Variants in PEX5L observed in about 807,000 individuals in gnomAD.
PEX5L encodes the protein PEX5-related protein.
In PEX5L, 30 loss-of-function variants were observed where a neutral mutation model predicts 84.0. The ratio of observed to expected loss-of-function variants is 0.36; its 90% CI spans 0.27 to 0.48. PEX5L has a LOEUF of 0.48. Ranked by LOEUF, PEX5L falls within the 20% of genes least tolerant of loss-of-function variation. The probability of loss-of-function intolerance (pLI) is 0.99; values close to 1 mark genes in which losing one functional copy is unlikely to be tolerated. For missense variants in PEX5L, 533 were observed against 754.6 expected, an observed-to-expected ratio of 0.71 and a Z score of 3.44; for synonymous variants, 270 against 283.1, an observed-to-expected ratio of 0.95 and a Z score of 0.46.
chr3:180,000,022 G>A (rs140549154), intron 1 of PEX5L, among the ~76,000 whole-genome samples: 22 of 152,238 alleles, frequency 1.4e-4, no homozygotes, highest in East Asian at 1.4e-3. Context: ...CAGGAGTCAC[G>A]GGTCCAGGAA....
intron 1 of PEX5L, among the ~76,000 whole-genome samples, chr3:179,986,863 C>T (rs948949608): frequency 3.3e-5 from 5 of 152,136 alleles, no homozygotes; most frequent in African/African-American, 9.7e-5. Flanking sequence ...GTTCGAATAA[C>T]ATAATGCAAA....
Position 179,843,946 on chromosome 3 carries a change from G to A in PEX5L, c.822+15116C>T, listed in dbSNP as rs142599604. On this transcript the variant is annotated intron_variant, in intron 8 of 14. Coordinates refer to ENST00000467460, the MANE Select transcript of PEX5L (RefSeq NM_016559.3). ...GATGGATTATGCAAGTTCTTCCTGA[G>A]TAATGAGGCAGAGACCAGGTGTAAA... 7.1e-4 allele frequency among the ~76,000 whole-genome samples: 108 copies of A among 152,312 alleles called. 1 individual carries two copies. Among genetic ancestry groups the A allele is most frequent in the African/African-American group, 2.5e-3 (105 of 41,554 alleles).
chr3:179,945,390 C>A (rs968824969), intron 2 of PEX5L, among the ~76,000 whole-genome samples: 2 of 152,202 alleles, frequency 1.3e-5, no homozygotes, highest in Non-Finnish European at 2.9e-5. Flanking sequence ...GGCTGAGATC[C>A]TTTCCCTGTC....
At position 180,010,246 on chromosome 3, in the gene PEX5L, C is replaced by CTTTTTTTTTTTTT. The variant is rs1178375452; in HGVS notation, c.21+26320_21+26332dup. Among the ~76,000 whole-genome samples the CTTTTTTTTTTTTT allele has an allele frequency of 1.8e-4, 19 of 105,156 alleles. 2 individuals carry two copies. The highest frequency in any genetic ancestry group is 4.8e-4 in the African/African-American group (11 of 23,092). 69.0% of individuals were successfully genotyped at this position (105,156 alleles called of 152,430 possible). ...AGGCGTGAGCCACTGCACCCGGCCT[C>CTTTTTTTTTTTTT]TTTTTTTTTTTTTTTTTTTTCTGTA... On this transcript the variant is annotated intron_variant, in intron 1 of 14. Transcript: ENST00000467460.
At chr3:179,894,634 G>C (rs1036102725) in intron 3 of PEX5L, among the ~76,000 whole-genome samples, 6 of 152,102 alleles carry the variant, frequency 3.9e-5, no homozygotes, top group African/African-American at 1.4e-4. Flanking sequence ...ACCCAAACAA[G>C]GCTGTACTTA....
chr3:179,949,216 T>A (rs960864433), intron 2 of PEX5L, among the ~76,000 whole-genome samples: 2 of 152,012 alleles, frequency 1.3e-5, no homozygotes, highest in African/African-American at 4.8e-5. Flanking sequence ...GAGTAGATTT[T>A]TAAAAAAAAA....
chr3:179,924,716 T>G (rs1035193975), intron 2 of PEX5L, among the ~76,000 whole-genome samples: 5 of 152,138 alleles, frequency 3.3e-5, no homozygotes, highest in African/African-American at 1.2e-4. Context: ...CTTAGGACCA[T>G]GGAAATATAC....
intron 2 of PEX5L, among the ~76,000 whole-genome samples, chr3:179,905,033 C>A (rs947757972): frequency 6.6e-6 from 1 of 152,170 alleles, no homozygotes. Context: ...GCCTTTGAAA[C>A]AATTTTTTTT....
chr3:179,809,474 T>C lies in PEX5L; in HGVS notation c.1349A>G (p.Asp450Gly). The change falls in exon 12 of 15, where the codon GAT becomes GGT. Residue 450 changes from aspartate (D) to glycine (G), a missense_variant. Coordinates refer to ENST00000467460, the MANE Select transcript of PEX5L (RefSeq NM_016559.3). ...TGTAATATAACGAGAAGGATACCTA[T>C]CAACTGGGGACTTAGACATCCGCCG... is the stretch of plus-strand genomic sequence containing the variant. ...LTRRMSKSPV[D>G]SSVLEGVKEL... The C allele has an allele frequency of 6.2e-7, 1 of 1,611,342 alleles. No homozygotes were observed. Among genetic ancestry groups the C allele is most frequent in the Non-Finnish European group, 8.5e-7 (1 of 1,177,450 alleles).
At chr3:179,992,375 T>C (rs1787463672) in intron 1 of PEX5L, among the ~76,000 whole-genome samples, 1 of 152,202 alleles carries the variant, frequency 6.6e-6, no homozygotes, top group Admixed American at 6.5e-5. Context: ...GTCACACAAC[T>C]TATTAATGAC....
At chr3:179,850,974 G>C (rs1741612666) in intron 8 of PEX5L, among the ~76,000 whole-genome samples, 2 of 152,156 alleles carry the variant, frequency 1.3e-5, no homozygotes, top group Non-Finnish European at 1.5e-5. Flanking sequence ...CTCCAATTTT[G>C]TTCAATAACT....
intron 1 of PEX5L, among the ~76,000 whole-genome samples, chr3:180,027,505 T>C (rs1159191189): frequency 1.3e-5 from 2 of 152,140 alleles, no homozygotes; most frequent in Non-Finnish European, 2.9e-5. Context: ...TATGTATATA[T>C]ACACACACAC....
In PEX5L at chr3:179,912,409, C is replaced by G. The variant is rs543292663; in HGVS notation, c.94-14163G>C. On this transcript the variant is annotated intron_variant, in intron 2 of 14. Coordinates refer to ENST00000467460, the MANE Select transcript of PEX5L (RefSeq NM_016559.3). ...CAAAGATAAAAGCAACTACATGATACTGATGTTTTATGAGACAGGTTGAAA... is the reference window on the plus strand; with the variant it reads ...CAAAGATAAAAGCAACTACATGATAGTGATGTTTTATGAGACAGGTTGAAA... Among the ~76,000 whole-genome samples, 27 of 152,116 alleles carry G rather than the reference C, an allele frequency of 1.8e-4. No homozygotes were observed. In the South Asian group the frequency reaches 5.0e-3, roughly 28 times the overall value.
Position 179,931,792 on chromosome 3 carries a change from A to C in PEX5L, c.94-33546T>G, listed in dbSNP as rs567098819. Reference sequence around the variant, plus strand: ...GTTAAGTTCACATGTATCTAAACTCAATTTTCTTTAACTTCATTTATAATG... The same window carrying C: ...GTTAAGTTCACATGTATCTAAACTCCATTTTCTTTAACTTCATTTATAATG... On this transcript the variant is annotated intron_variant, in intron 2 of 14. Coordinates refer to ENST00000467460, the MANE Select transcript of PEX5L (RefSeq NM_016559.3). 1.7e-4 allele frequency among the ~76,000 whole-genome samples: 26 copies of C among 152,286 alleles called. No homozygotes were observed. In the South Asian group the frequency reaches 4.8e-3, roughly 28 times the overall value.
At chr3:179,937,744 G>T (rs1287563591) in intron 2 of PEX5L, among the ~76,000 whole-genome samples, 1 of 152,148 alleles carries the variant, frequency 6.6e-6, no homozygotes, top group African/African-American at 2.4e-5. Flanking sequence ...GGTAACTCTG[G>T]AACCTTAGTT....
intron 1 of PEX5L, among the ~76,000 whole-genome samples, chr3:180,024,544 CAAAA>C (rs59981273): frequency 1.9e-5 from 2 of 107,198 alleles, no homozygotes; most frequent in Non-Finnish European, 4.0e-5. Flanking sequence ...GACTCCGTTT[CAAAA>C]AAAAAAAAAA....
At chr3:179,977,269 A>T (rs1010215554) in intron 1 of PEX5L, among the ~76,000 whole-genome samples, 2 of 152,174 alleles carry the variant, frequency 1.3e-5, no homozygotes, top group Admixed American at 6.5e-5. Context: ...TGGGGCCAGG[A>T]CTTTACCCTT....
chr3:180,033,115 C>T (rs182047557), intron 1 of PEX5L, among the ~76,000 whole-genome samples: 52 of 152,268 alleles, frequency 3.4e-4, no homozygotes, highest in African/African-American at 9.6e-4. Flanking sequence ...AGCTATTCCC[C>T]TTTGTAGAGA....
At position 179,935,159 on chromosome 3, in the gene PEX5L, C is replaced by T. The variant is rs577749549; in HGVS notation, c.93+36435G>A. The stretch of plus-strand genomic sequence containing the variant: ...ACAATATGAAACATGCTACCCTAGT[C>T]ACAAAAATGATACTTTTGAATAATT... On this transcript the variant is annotated intron_variant, in intron 2 of 14. Transcript: ENST00000467460. Among the ~76,000 whole-genome samples the T allele has an allele frequency of 9.9e-5, 15 of 151,238 alleles. 1 individual carries two copies. The highest frequency in any genetic ancestry group is 3.6e-4 in the African/African-American group (15 of 41,228).
Sources: allele counts gnomAD v4.1 joint callset (sites outside exome capture counted in the v4.1 genomes callset), GRCh38; gene constraint gnomAD v4.1.1; transcripts MANE v1.5; gene names NCBI Gene and HGNC (gene_info 2026-07-23, HGNC 2026-07-21).